Variants in EZH1 observed in about 807,000 individuals in gnomAD.
The protein encoded by EZH1 is enhancer of zeste 1 polycomb repressive complex 2 subunit, also known as histone-lysine N-methyltransferase EZH1.
A neutral mutation model predicts 100.5 loss-of-function variants in EZH1; 33 were observed. The ratio of observed to expected loss-of-function variants is 0.33; its 90% CI spans 0.25 to 0.44. The LOEUF is 0.44. EZH1 is among the 20% of genes least tolerant of loss of function. The pLI, the probability that EZH1 is intolerant of heterozygous loss-of-function variation, is 1.00. For synonymous variants in EZH1, 272 were observed against 313.8 expected, an observed-to-expected ratio of 0.87 and a Z score of 1.41; for missense variants, 475 against 928.4, an observed-to-expected ratio of 0.51 and a Z score of 6.35.
At chr17:42,744,963 G>A (rs1427171203) in intron 1 of EZH1, 48 bp downstream of exon 1, 1 of 1,255,164 alleles carries the variant, frequency 8.0e-7, no homozygotes, top group Non-Finnish European at 1.0e-6. Flanking sequence ...GCGGCGAGGG[G>A]AGGAGGCCCG....
chr17:42,714,377 TA>T, intron 10 of EZH1: 1 of 306,448 alleles, frequency 3.3e-6, no homozygotes. Flanking sequence ...GAGCCCCTGG[TA>T]ATAGAATTGA....
chr17:42,707,878 G>A (rs1431344381), intron 15 of EZH1, 80 bp downstream of exon 15: 1 of 1,571,804 alleles, frequency 6.4e-7, no homozygotes, highest in Non-Finnish European at 8.7e-7. Flanking sequence ...AAGCAGTAAA[G>A]GGCACAGGAA....
rs1174658257 is a variant in EZH1 at position 42,706,719 on chromosome 17, G to C, written c.1661-534C>G. Among the ~76,000 whole-genome samples, 2 of 151,724 alleles carry C rather than the reference G, an allele frequency of 1.3e-5. No individual in the cohort carries two copies. Among genetic ancestry groups the C allele is most frequent in the Admixed American group, 1.3e-4 (2 of 15,200 alleles). Reference sequence around the variant, plus strand: ...AATTTAAAAAATGAAAAAAAAAGCAGGTATACTAATAAGAAGTGTCCCCTA... The same window carrying C: ...AATTTAAAAAATGAAAAAAAAAGCACGTATACTAATAAGAAGTGTCCCCTA... On this transcript the variant is annotated intron_variant, in intron 15 of 20. Coordinates refer to ENST00000428826, the MANE Select transcript of EZH1 (RefSeq NM_001991.5). This position sits in a 1 kb window ranked among gnomAD's most constrained non-coding sequence, Gnocchi z 4.4.
At chr17:42,731,093 T>C (rs1041946159) in intron 1 of EZH1, among the ~76,000 whole-genome samples, 175 bp from the exon 2 acceptor site, 10 of 152,092 alleles carry the variant, frequency 6.6e-5, no homozygotes, top group African/African-American at 2.4e-4. Context: ...AGAGGCCCTT[T>C]ACTTTATTAA....
At chr17:42,714,238 T>C (rs2053546488) in intron 10 of EZH1, 1 of 162,292 alleles carries the variant, frequency 6.2e-6, no homozygotes, top group South Asian at 1.5e-4. Flanking sequence ...TTCTGAAAAC[T>C]AAATCTATTT....
intron 15 of EZH1, among the ~76,000 whole-genome samples, chr17:42,707,317 G>C (rs911741361): frequency 5.3e-5 from 8 of 152,062 alleles, no homozygotes; most frequent in African/African-American, 1.9e-4. Flanking sequence ...CTGGAGTGCA[G>C]TGGCACAATC....
Position 42,702,486 on chromosome 17 carries a change from C to CA in EZH1, c.*45dup. On this transcript the variant is annotated 3_prime_UTR_variant, in exon 21 of 21. Transcript: ENST00000428826. ...GCAGCAGTGGTGTGAGCACGAAAGC[C>CA]AAGACAGTGCCGCTACCATAAGTGC... 1 of 1,501,778 alleles carries CA rather than the reference C, an allele frequency of 6.7e-7. No homozygotes were observed. Among genetic ancestry groups the CA allele is most frequent in the Non-Finnish European group, 9.0e-7 (1 of 1,105,466 alleles). 93.0% of individuals were successfully genotyped at this position (1,501,778 alleles called of 1,614,324 possible).
rs181088287 is a variant in EZH1 at position 42,704,033 on chromosome 17, G to C, written c.2018-213C>G. Among the ~76,000 whole-genome samples the C allele has an allele frequency of 5.1e-3, 774 of 152,306 alleles. 7 individuals carry two copies. The highest frequency in any genetic ancestry group is 0.017 in the African/African-American group (712 of 41,566). ...CCTTTGGGTCCCTCTTTGAATTATG[G>C]ATCTTCTCATCTACTGGGCAGGGAG... On this transcript the variant is annotated intron_variant, in intron 18 of 20. Coordinates refer to ENST00000428826, the MANE Select transcript of EZH1 (RefSeq NM_001991.5).
At position 42,712,323 on chromosome 17, in the gene EZH1, A is replaced by G; in HGVS notation, c.1367T>C (p.Ile456Thr). ...CGTCTTGGTCCCCAGAAGCCTGGCT[A>G]TTGAACAGAAGTTGTTGAAGTAGGT... ...HGTYFNNFCS[I>T]ARLLGTKTCK... is the part of the protein sequence containing the mutation. Residue 456 changes from isoleucine to threonine, a missense_variant, in exon 12 of 21, where the codon ATA becomes ACA. By Grantham distance (89) the Ile-to-Thr change is moderately conservative (BLOSUM62 -1). This residue lies in a region of EZH1 where 83 missense variants were observed against 142.1 expected (regional missense o/e 0.58). Transcript: ENST00000428826. 1 of 1,614,086 alleles carries G rather than the reference A, an allele frequency of 6.2e-7. No individual in the cohort carries two copies. Among genetic ancestry groups the G allele is most frequent in the Non-Finnish European group, 8.5e-7 (1 of 1,180,026 alleles).
intron 2 of EZH1, chr17:42,729,215 T>C (rs2053887478): frequency 6.7e-6 from 2 of 298,156 alleles, no homozygotes; most frequent in Non-Finnish European, 1.3e-5. Flanking sequence ...GAGACAACCT[T>C]GGGCAACATG....
intron 2 of EZH1, among the ~76,000 whole-genome samples, chr17:42,729,666 G>T (rs971775361): frequency 6.6e-6 from 1 of 151,438 alleles, no homozygotes; most frequent in African/African-American, 2.4e-5. Flanking sequence ...TTGAACCTGG[G>T]AGGTGGAAGT....
rs1567980033 is a variant in EZH1, at chr17:42,701,420, G to A, written c.*1112C>T. On this transcript the variant is annotated 3_prime_UTR_variant, in exon 21 of 21. Transcript: ENST00000428826. Reference sequence around the variant, plus strand: ...TCTGCCAGTGTGCCCTGCACACGGGGTGCCAGCCTAAACGCGTGCAATTTA... The same window carrying A: ...TCTGCCAGTGTGCCCTGCACACGGGATGCCAGCCTAAACGCGTGCAATTTA... The A allele has an allele frequency of 1.3e-5, 2 of 152,832 alleles. No individual in the cohort carries two copies. The highest frequency in any genetic ancestry group is 2.1e-4 in the South Asian group (1 of 4,832). The allele number at this position is 152,832 out of a possible 1,614,324, so 9.5% of individuals were successfully genotyped here. A position where few individuals can be genotyped will look rare whatever the true frequency, so the allele number is the denominator to read the frequency against.
At chr17:42,724,607 C>T in intron 4 of EZH1, 183 bp from the exon 5 acceptor site, 1 of 520,334 alleles carries the variant, frequency 1.9e-6, no homozygotes, top group Non-Finnish European at 3.4e-6. Flanking sequence ...CATGGTGAAA[C>T]CCCATCTCTA....
At chr17:42,738,299 C>CA (rs1255976163) in intron 1 of EZH1, among the ~76,000 whole-genome samples, 1 of 151,466 alleles carries the variant, frequency 6.6e-6, no homozygotes, top group Non-Finnish European at 1.5e-5. Context: ...TTTGCAGAAA[C>CA]AGCTTCTTTG....
intron 1 of EZH1, among the ~76,000 whole-genome samples, chr17:42,740,367 G>T (rs185035206): frequency 2.0e-5 from 3 of 151,994 alleles, no homozygotes; most frequent in Non-Finnish European, 4.4e-5. Flanking sequence ...AGCCTCCCGC[G>T]TAGCTGGGAC....
chr17:42,729,396 G>C (rs1023664535), intron 2 of EZH1, among the ~76,000 whole-genome samples: 1 of 152,104 alleles, frequency 6.6e-6, no homozygotes, highest in Admixed American at 6.6e-5. Flanking sequence ...GACAGAGTGA[G>C]ACCTTGTCTC....
chr17:42,708,076 A>C lies in EZH1; in HGVS notation c.1542T>G (p.Ser514=). Residue 514 remains serine (S), a synonymous_variant, in exon 15 of 21, where the codon TCT becomes TCG. Coordinates refer to ENST00000428826, the MANE Select transcript of EZH1 (RefSeq NM_001991.5). ...GTTGGTAGTTGTACACTTGTGTGGAAGAGTTATCTAGGAAAGAAAACAGAG... is the reference window on the plus strand; with the variant it reads ...GTTGGTAGTTGTACACTTGTGTGGACGAGTTATCTAGGAAAGAAAACAGAG... ...CRKIQLKKDN[S]STQVYNYQPC... The C allele has an allele frequency of 6.2e-7, 1 of 1,604,122 alleles. No individual in the cohort carries two copies. Among genetic ancestry groups the C allele is most frequent in the Non-Finnish European group, 8.5e-7 (1 of 1,175,722 alleles).
Position 42,712,460 on chromosome 17 carries a change from G to T in EZH1, c.1230C>A (p.Pro410=), listed in dbSNP as rs2053502714. 1 of 1,613,758 alleles carries T rather than the reference G, an allele frequency of 6.2e-7. No individual in the cohort carries two copies. The highest frequency in any genetic ancestry group is 1.1e-5 in the South Asian group (1 of 91,042). The change falls in exon 12 of 21, where the codon CCC becomes CCA. Residue 410 remains proline, a synonymous_variant. Transcript: ENST00000428826. ...SSEANSRCQT[P]TKQKASPAPP... is the part of the protein sequence containing the mutation. ...GGGCTGGACTAGCCTTCTGTTTTGT[G>T]GGAGTCTGACAGCGAGAGTTAGCCT...
chr17:42,722,923 CA>C lies in EZH1; in HGVS notation c.367-9del. On this transcript the variant is annotated splice_polypyrimidine_tract_variant and intron_variant, in intron 5 of 20. Coordinates refer to ENST00000428826, the MANE Select transcript of EZH1 (RefSeq NM_001991.5). ...AACCGTCTCATCTTCTACCTGAAAC[CA>C]AACCAGATGTGATTTATTCCATGAA... 6.2e-7 allele frequency: 1 copy of C among 1,612,538 alleles called. No individual in the cohort carries two copies. The highest frequency in any genetic ancestry group is 8.5e-7 in the Non-Finnish European group (1 of 1,179,410).
Sources: gnomAD v4.1 joint callset for allele counts (sites outside exome capture counted in the v4.1 genomes callset) on GRCh38, gnomAD v4.1.1 for gene constraint, gnomAD v4.1.1 regional missense constraint, Gnocchi (gnomAD v3.1) non-coding constraint, MANE v1.5 for transcripts, NCBI Gene and HGNC (gene_info 2026-07-23, HGNC 2026-07-21) for gene names.